IPO11: variants seen among roughly 807,000 people sequenced by gnomAD.
IPO11 encodes importin 11, also known as importin-11.
A neutral mutation model predicts 143.2 loss-of-function variants in IPO11; 66 were observed. The observed-to-expected ratio is 0.46, with a 90% CI of 0.38 to 0.57. IPO11 has a LOEUF of 0.57. IPO11 is among the 20% of genes least tolerant of loss of function. The probability of loss-of-function intolerance (pLI) is 0.00; values close to 1 mark genes in which losing one functional copy is unlikely to be tolerated. For synonymous variants in IPO11, 385 were observed against 377.8 expected, an observed-to-expected ratio of 1.02 and a Z score of -0.22; for missense variants, 1,026 against 1,141.0, an observed-to-expected ratio of 0.90 and a Z score of 1.45.
intron 2 of IPO11, among the ~76,000 whole-genome samples, chr5:62,441,496 CTTTTTTTTTTTTTTTTT>C (rs995019567): frequency 7.0e-4 from 33 of 47,378 alleles, no homozygotes; most frequent in East Asian, 4.3e-3. Context: ...TGTGCCTGGC[CTTTTTTTTTTTTTTTTT>C]TTTTTTTTTT....
At chr5:62,488,291 AATT>A (rs1439053351) in intron 13 of IPO11, among the ~76,000 whole-genome samples, 2 of 152,204 alleles carry the variant, frequency 1.3e-5, no homozygotes, top group Non-Finnish European at 1.5e-5. Context: ...ACAAGTAACT[AATT>A]ATCTGCCTAT....
At position 62,511,173 on chromosome 5, in the gene IPO11, T is replaced by C. The variant is rs114782960; in HGVS notation, c.1783-4215T>C. Among the ~76,000 whole-genome samples, 1,389 of 152,354 alleles carry C rather than the reference T, an allele frequency of 9.1e-3. 20 individuals carry two copies. The highest frequency in any genetic ancestry group is 0.031 in the African/African-American group (1,309 of 41,572). On this transcript the variant is annotated intron_variant, in intron 19 of 29. Coordinates refer to ENST00000325324, the MANE Select transcript of IPO11 (RefSeq NM_016338.5). ...ACTGGGTACTTTGGTTTTATTACCC[T>C]ATTTGTAATTTATAGTGTATATTTC...
At chr5:62,554,737 A>G (rs1276938906) in intron 26 of IPO11, among the ~76,000 whole-genome samples, 2 of 150,952 alleles carry the variant, frequency 1.3e-5, no homozygotes, top group Non-Finnish European at 2.9e-5. Context: ...GGGTGGGGAG[A>G]CAGAGTCTAG....
chr5:62,618,485 T>A (rs974466340), intron 29 of IPO11, among the ~76,000 whole-genome samples: 1 of 152,078 alleles, frequency 6.6e-6, no homozygotes, highest in Non-Finnish European at 1.5e-5. Flanking sequence ...AGAAAAGTAC[T>A]AAAATTGATG....
intron 27 of IPO11, among the ~76,000 whole-genome samples, chr5:62,573,995 C>T (rs942775545): frequency 6.6e-6 from 1 of 152,150 alleles, no homozygotes; most frequent in African/African-American, 2.4e-5. Context: ...GGATACTTGG[C>T]TAATAAAAAG....
At chr5:62,509,269 A>T (rs1741667100) in intron 19 of IPO11, among the ~76,000 whole-genome samples, 1 of 152,226 alleles carries the variant, frequency 6.6e-6, no homozygotes, top group African/African-American at 2.4e-5. Flanking sequence ...TCTGTGAAAT[A>T]TAAAATACTC....
At chr5:62,455,081 A>G (rs1481926109) in intron 5 of IPO11, among the ~76,000 whole-genome samples, 1 of 152,214 alleles carries the variant, frequency 6.6e-6, no homozygotes, top group African/African-American at 2.4e-5. Context: ...AATTGAAGGT[A>G]GCATTTGTGG....
chr5:62,547,993 CT>C (rs1308948462), intron 24 of IPO11, among the ~76,000 whole-genome samples: 3 of 151,360 alleles, frequency 2.0e-5, no homozygotes, highest in African/African-American at 7.4e-5. Flanking sequence ...CCAATTGATT[CT>C]TTTGTATCTA....
chr5:62,496,577 A>G (rs184945917), intron 16 of IPO11, among the ~76,000 whole-genome samples: 55 of 152,366 alleles, frequency 3.6e-4, no homozygotes, highest in African/African-American at 1.3e-3. Flanking sequence ...TCAAGAATGT[A>G]TAAGTCATAC....
intron 1 of IPO11, among the ~76,000 whole-genome samples, chr5:62,415,711 C>A (rs1212721679): frequency 2.0e-5 from 3 of 150,448 alleles, no homozygotes; most frequent in African/African-American, 4.9e-5. Flanking sequence ...CAGGTGATCC[C>A]CCTGCCTCAG....
At chr5:62,497,980 G>GT (rs1561335799) in intron 16 of IPO11, among the ~76,000 whole-genome samples, 1 of 151,548 alleles carries the variant, frequency 6.6e-6, no homozygotes, top group African/African-American at 2.4e-5. Context: ...AATTTGTGCC[G>GT]TTTCACTGGC....
chr5:62,446,875 A>C (rs1030618405), intron 3 of IPO11, among the ~76,000 whole-genome samples: 1 of 152,118 alleles, frequency 6.6e-6, no homozygotes, highest in East Asian at 1.9e-4. Context: ...AGGCTGAGGC[A>C]GGAGAATCTC....
intron 29 of IPO11, among the ~76,000 whole-genome samples, chr5:62,607,333 A>G (rs1371988481): frequency 1.3e-5 from 2 of 152,190 alleles, no homozygotes; most frequent in Admixed American, 1.3e-4. Context: ...TATTCCAAAT[A>G]TAATGTCAAC....
intron 27 of IPO11, chr5:62,575,939 C>T (rs1388777176): frequency 6.6e-6 from 1 of 152,130 alleles, no homozygotes; most frequent in Non-Finnish European, 1.5e-5. Flanking sequence ...ACTTTATTTA[C>T]CTTTCATTAG....
chr5:62,537,427 T>TA (rs1239331607), intron 24 of IPO11, 138 bp downstream of exon 24: 1 of 594,034 alleles, frequency 1.7e-6, no homozygotes, highest in Non-Finnish European at 3.0e-6. Flanking sequence ...AGTTTTCAGT[T>TA]GGTTTAATAC....
intron 29 of IPO11, among the ~76,000 whole-genome samples, chr5:62,615,527 C>T (rs1746097749): frequency 6.6e-6 from 1 of 152,164 alleles, no homozygotes; most frequent in Non-Finnish European, 1.5e-5. Flanking sequence ...TCCCTCTCAT[C>T]CCCCAGGGAT....
intron 4 of IPO11, among the ~76,000 whole-genome samples, chr5:62,451,208 A>G (rs1373780134): frequency 2.0e-5 from 3 of 152,196 alleles, no homozygotes; most frequent in African/African-American, 4.8e-5. Context: ...GGATCTCGTT[A>G]TACTGCTAAA....
chr5:62,474,473 T>A lies in IPO11; in HGVS notation c.757+9T>A. On this transcript the variant is annotated intron_variant, in intron 8 of 29. Coordinates refer to ENST00000325324, the MANE Select transcript of IPO11 (RefSeq NM_016338.5). ...ACAGTTTCTGGAATGCAGTAAGTAC[T>A]TTCGTTGCAGTCCTTTTTACTGTAG... 1.3e-6 allele frequency: 2 copies of A among 1,572,982 alleles called. No individual in the cohort carries two copies. Among genetic ancestry groups the A allele is most frequent in the Non-Finnish European group, 1.7e-6 (2 of 1,161,662 alleles).
chr5:62,440,286 C>CT (rs1289642708), intron 2 of IPO11, among the ~76,000 whole-genome samples: 1 of 148,888 alleles, frequency 6.7e-6, no homozygotes, highest in Non-Finnish European at 1.5e-5. Context: ...TATTTGTAAT[C>CT]TTTTTTCTTT....
Sources: gnomAD v4.1 joint callset for allele counts (sites outside exome capture counted in the v4.1 genomes callset) on GRCh38, gnomAD v4.1.1 for gene constraint, MANE v1.5 for transcripts, NCBI Gene and HGNC (gene_info 2026-07-23, HGNC 2026-07-21) for gene names.